The following KRIT1 variants were observed in gnomAD, a reference collection of about 807,000 sequenced individuals.
The protein encoded by KRIT1 is KRIT1 ankyrin repeat containing.
In KRIT1, 45 loss-of-function variants were observed where a neutral mutation model predicts 95.8. The ratio of observed to expected loss-of-function variants is 0.47; its 90% CI spans 0.37 to 0.60. The LOEUF is 0.60. Among genes scored for constraint, KRIT1 ranks in the 20% least tolerant of loss-of-function variants. The pLI is 0.00. For synonymous variants in KRIT1, 282 were observed against 278.8 expected (o/e 1.01, Z -0.11); for missense variants, 788 against 877.5 (o/e 0.90, Z 1.29).
At chr7:92,215,528 G>A (rs867583774) in intron 14 of KRIT1, among the ~76,000 whole-genome samples, 2 of 152,070 alleles carry the variant, frequency 1.3e-5, no homozygotes, top group Admixed American at 6.6e-5. Context: ...GGAGTGCAGT[G>A]GCATGAACAT....
At chr7:92,230,026 G>A (rs1380251477) in intron 10 of KRIT1, among the ~76,000 whole-genome samples, 1 of 152,128 alleles carries the variant, frequency 6.6e-6, no homozygotes, top group Non-Finnish European at 1.5e-5. Context: ...TTAGAACACT[G>A]AAATACATCT....
intron 3 of KRIT1, among the ~76,000 whole-genome samples, chr7:92,242,486 T>C (rs1486363724): frequency 6.6e-6 from 1 of 152,238 alleles, no homozygotes; most frequent in Non-Finnish European, 1.5e-5. Flanking sequence ...TGATGATGAT[T>C]ATAAAATAAC....
chr7:92,232,270 T>C lies in KRIT1; in HGVS notation c.989+2179A>G, dbSNP rs181567835. On this transcript the variant is annotated intron_variant, in intron 10 of 18. Transcript: ENST00000394505. The stretch of plus-strand genomic sequence containing the variant: ...GCCAAGATTTATTGAGTGCTCATTA[T>C]GTGCTCTCAAAGCACGTTACTTGTA... 1.1e-3 allele frequency among the ~76,000 whole-genome samples: 172 copies of C among 152,300 alleles called. 1 individual carries two copies. Among genetic ancestry groups the C allele is most frequent in the African/African-American group, 3.9e-3 (163 of 41,562 alleles).
chr7:92,218,542 C>G (rs1028309507), intron 14 of KRIT1, among the ~76,000 whole-genome samples: 4 of 151,930 alleles, frequency 2.6e-5, no homozygotes, highest in Non-Finnish European at 5.9e-5. Flanking sequence ...CCATGCCTGG[C>G]TAATTTTTTA....
intron 6 of KRIT1, 134 bp from the exon 7 acceptor site, chr7:92,236,676 G>T: frequency 3.0e-6 from 2 of 659,722 alleles, no homozygotes; most frequent in Admixed American, 2.4e-5. Context: ...GAATTAGAAG[G>T]CCTGGATTCA....
chr7:92,213,214 A>T lies in KRIT1; in HGVS notation c.2006T>A (p.Leu669His). 6.2e-7 allele frequency: 1 copy of T among 1,610,972 alleles called. No individual in the cohort carries two copies. Among genetic ancestry groups the T allele is most frequent in the Non-Finnish European group, 8.5e-7 (1 of 1,177,358 alleles). Reference protein sequence around the residue: ...YVGVNIKGLHLLNMETKALLI... With the variant: ...YVGVNIKGLHHLNMETKALLI... ...ATCTACCTTAGTTTCCATGTTGAGG[A>T]GATGAAGTCCTTTTATATTCACTCC... The change falls in exon 17 of 19, where the codon CTC (leucine) becomes CAC (histidine). Residue 669 changes from leucine to histidine, a missense_variant. This residue lies in a region of KRIT1 where 493 missense variants were observed against 582.3 expected (regional missense o/e 0.85). Coordinates refer to ENST00000394505, the MANE Select transcript of KRIT1 (RefSeq NM_194454.3).
At chr7:92,210,964 C>A (rs540097949) in intron 17 of KRIT1, among the ~76,000 whole-genome samples, 1 of 152,214 alleles carries the variant, frequency 6.6e-6, no homozygotes, top group African/African-American at 2.4e-5. Flanking sequence ...AAGTTCAAGT[C>A]AAAACCACAG....
chr7:92,241,096 T>C lies in KRIT1; in HGVS notation c.159A>G (p.Leu53=), dbSNP rs765145742. ...EGQKKKRKKV[L]LETKLQGNSE... is the part of the protein sequence containing the mutation. ...TGTTGCCTTGAAGTTTCGTTTCCAATAAAACTTTCTTTCTCTTTTTTTTCT... is the reference window on the plus strand; with the variant it reads ...TGTTGCCTTGAAGTTTCGTTTCCAACAAAACTTTCTTTCTCTTTTTTTTCT... Residue 53 remains leucine (L), a synonymous_variant, in exon 5 of 19, where the codon TTA becomes TTG. Transcript: ENST00000394505. 1.2e-6 allele frequency: 2 copies of C among 1,611,182 alleles called. No individual in the cohort carries two copies. Among genetic ancestry groups the C allele is most frequent in the Non-Finnish European group, 1.7e-6 (2 of 1,177,266 alleles).
rs1345605550 is a variant in KRIT1, at chr7:92,200,821, G to T, written c.2143-17C>A. On this transcript the variant is annotated splice_polypyrimidine_tract_variant and intron_variant, in intron 18 of 18. Transcript: ENST00000394505. ...GAGACCAGCCTACAAAGTAAAACAT[G>T]TCAATAATAAATATAAAACATGTAA... 1.3e-6 allele frequency: 2 copies of T among 1,538,108 alleles called. No homozygotes were observed. Among genetic ancestry groups the T allele is most frequent in the East Asian group, 2.2e-5 (1 of 44,492 alleles).
intron 17 of KRIT1, among the ~76,000 whole-genome samples, chr7:92,208,887 A>AT (rs929400649): frequency 0.017 from 3 of 174 alleles, no homozygotes; most frequent in Admixed American, 0.042. Context: ...CAAGGACACA[A>AT]CAAAAAAGAA....
intron 11 of KRIT1, 106 bp from the exon 12 acceptor site, chr7:92,225,933 C>G (rs1266743560): frequency 2.9e-6 from 2 of 699,664 alleles, no homozygotes; most frequent in Non-Finnish European, 5.1e-6. Flanking sequence ...AGACTCTTGT[C>G]AAGTACTAAA....
chr7:92,202,915 C>G (rs1469422467), intron 17 of KRIT1, among the ~76,000 whole-genome samples: 1 of 152,130 alleles, frequency 6.6e-6, no homozygotes, highest in East Asian at 1.9e-4. Context: ...ACAGACTGAA[C>G]AGAGTCAAGA....
chr7:92,226,420 T>C lies in KRIT1; in HGVS notation c.1146+106A>G. 3 of 884,182 alleles carry C rather than the reference T, an allele frequency of 3.4e-6. No homozygotes were observed. In the South Asian group the frequency reaches 4.1e-5, roughly 12 times the overall value. The allele number at this position is 884,182 out of a possible 1,614,324, so 54.8% of individuals were successfully genotyped here. On this transcript the variant is annotated intron_variant, in intron 11 of 18. Transcript: ENST00000394505. ...TATTCTATAAAGTAATGGAATTTATTTTTATTTTTCAGATGAACTCTCAAA... is the reference window on the plus strand; with the variant it reads ...TATTCTATAAAGTAATGGAATTTATCTTTATTTTTCAGATGAACTCTCAAA...
chr7:92,237,807 A>G (rs767066962), intron 5 of KRIT1, 48 bp from the exon 6 acceptor site: 23 of 934,214 alleles, frequency 2.5e-5, no homozygotes, highest in Non-Finnish European at 3.7e-5. Context: ...ACACTTTTAA[A>G]TCTTATAAAT....
At chr7:92,231,538 G>A (rs1387511054) in intron 10 of KRIT1, among the ~76,000 whole-genome samples, 1 of 152,148 alleles carries the variant, frequency 6.6e-6, no homozygotes, top group African/African-American at 2.4e-5. Context: ...GAGACCAAGT[G>A]AGGTAAAATA....
chr7:92,215,429 A>T (rs1234714367), intron 14 of KRIT1, among the ~76,000 whole-genome samples: 1 of 152,206 alleles, frequency 6.6e-6, no homozygotes, highest in Non-Finnish European at 1.5e-5. Flanking sequence ...GACTAAAAAG[A>T]CTTTGCACTT....
intron 17 of KRIT1, among the ~76,000 whole-genome samples, chr7:92,205,521 T>C (rs1194742769): frequency 3.3e-5 from 5 of 152,120 alleles, no homozygotes; most frequent in African/African-American, 9.7e-5. Context: ...GGTGGATCAC[T>C]TGAGGTCAGA....
intron 17 of KRIT1, chr7:92,206,951 AAAAAG>A (rs1161618625): frequency 1.3e-5 from 2 of 151,748 alleles, no homozygotes; most frequent in East Asian, 3.9e-4. Context: ...AAAAAAAAAA[AAAAAG>A]AAAGAAATCA....
intron 14 of KRIT1, among the ~76,000 whole-genome samples, chr7:92,219,731 G>A (rs866212767): frequency 2.4e-4 from 37 of 152,340 alleles, no homozygotes; most frequent in African/African-American, 7.9e-4. Flanking sequence ...TTTGCTAGTA[G>A]TGACATCTTA....
Sources: gnomAD v4.1 joint callset for allele counts (sites outside exome capture counted in the v4.1 genomes callset) on GRCh38, gnomAD v4.1.1 for gene constraint, gnomAD v4.1.1 regional missense constraint, MANE v1.5 for transcripts, NCBI Gene and HGNC (gene_info 2026-07-23, HGNC 2026-07-21) for gene names.